FRMPD4: variants seen among roughly 807,000 people sequenced by gnomAD.
The protein encoded by FRMPD4 is FERM and PDZ domain containing 4.
Under a neutral mutation model 94.1 loss-of-function variants are expected in FRMPD4, and 22 were observed. The observed-to-expected ratio is 0.23, with a 90% confidence interval of 0.17 to 0.33. The LOEUF is 0.33. Among genes scored for constraint, FRMPD4 ranks in the 10% least tolerant of loss-of-function variants. FRMPD4 has a pLI of 1.00. For synonymous variants in FRMPD4, 631 were observed against 548.6 expected, an observed-to-expected ratio of 1.15 and a Z score of -2.10; for missense variants, 1,111 against 1,339.9, an observed-to-expected ratio of 0.83 and a Z score of 2.67.
At chrX:12,106,025 T>G (rs2055294329) in intron 3 of FRMPD4, among the ~76,000 whole-genome samples, 1 of 112,054 alleles carries the variant, frequency 8.9e-6, no homozygotes, top group Non-Finnish European at 1.9e-5. Flanking sequence ...CTACCTTCAA[T>G]GAAACCTTCA....
intron 1 of FRMPD4, among the ~76,000 whole-genome samples, chrX:11,852,514 A>G (rs1356274546): frequency 1.8e-5 from 2 of 110,175 alleles, no homozygotes; most frequent in African/African-American, 3.3e-5. Flanking sequence ...TTGCAAATTT[A>G]TTGAGACTTG....
intron 1 of FRMPD4, among the ~76,000 whole-genome samples, chrX:12,369,511 A>T (rs1338415183): frequency 8.9e-6 from 1 of 112,567 alleles, no homozygotes; most frequent in Admixed American, 9.4e-5. Context: ...TTAGAATGGG[A>T]AATAGATTCA....
intron 1 of FRMPD4, among the ~76,000 whole-genome samples, chrX:12,234,545 G>T (rs1310361151): frequency 9.0e-6 from 1 of 111,404 alleles, no homozygotes; most frequent in Non-Finnish European, 1.9e-5. Context: ...ACATAAAGAT[G>T]ATTATACTGA....
At chrX:12,204,434 C>T (rs2056667047) in intron 1 of FRMPD4, among the ~76,000 whole-genome samples, 1 of 111,990 alleles carries the variant, frequency 8.9e-6, no homozygotes, top group African/African-American at 3.2e-5. Flanking sequence ...GCTGCCTTAA[C>T]TTCTTCGCTG....
intron 2 of FRMPD4, among the ~76,000 whole-genome samples, chrX:12,515,559 T>C (rs753148463): frequency 8.9e-6 from 1 of 112,165 alleles, no homozygotes; most frequent in African/African-American, 3.2e-5. Flanking sequence ...TGAAAGGCTG[T>C]TATGATTTCA....
intron 3 of FRMPD4, among the ~76,000 whole-genome samples, chrX:12,073,377 A>G (rs1311343776): frequency 8.9e-6 from 1 of 112,136 alleles, no homozygotes; most frequent in African/African-American, 3.2e-5. Context: ...TACATAAACT[A>G]GTGGCCATGG....
At chrX:12,127,098 C>T (rs1470581507) in intron 3 of FRMPD4, among the ~76,000 whole-genome samples, 1 of 112,081 alleles carries the variant, frequency 8.9e-6, no homozygotes, top group Non-Finnish European at 1.9e-5. Flanking sequence ...AGGGAATGCA[C>T]TCCAATTGAA....
At chrX:12,557,230 C>A (rs1025711) in intron 2 of FRMPD4, among the ~76,000 whole-genome samples, 1 of 110,220 alleles carries the variant, frequency 9.1e-6, no homozygotes, top group Non-Finnish European at 1.9e-5. Context: ...TGGATCTTGG[C>A]GAAACAGGTT....
At chrX:12,619,400 C>T (rs1390992305) in intron 4 of FRMPD4, among the ~76,000 whole-genome samples, 1 of 111,659 alleles carries the variant, frequency 9.0e-6, no homozygotes, top group East Asian at 2.8e-4. Flanking sequence ...CCACTGGTAT[C>T]CCCCATAGCA....
intron 3 of FRMPD4, among the ~76,000 whole-genome samples, chrX:11,894,865 T>C (rs138053435): frequency 8.9e-6 from 1 of 111,916 alleles, no homozygotes; most frequent in African/African-American, 3.2e-5. Context: ...AAGTGAAAGA[T>C]AATTTAGAAG....
At chrX:11,969,905 G>A (rs1222716187) in intron 3 of FRMPD4, among the ~76,000 whole-genome samples, 2 of 111,034 alleles carry the variant, frequency 1.8e-5, no homozygotes, top group Non-Finnish European at 3.8e-5. Context: ...CAGCTCTCAT[G>A]GGACTATGCA....
intron 3 of FRMPD4, among the ~76,000 whole-genome samples, chrX:11,973,229 T>G (rs996066795): frequency 1.4e-4 from 16 of 112,791 alleles, no homozygotes; most frequent in Non-Finnish European, 2.8e-4. Context: ...CATCTATAGC[T>G]ATGAATAAAG....
intron 3 of FRMPD4, among the ~76,000 whole-genome samples, chrX:12,004,360 A>G (rs2054539582): frequency 8.9e-6 from 1 of 112,000 alleles, no homozygotes; most frequent in East Asian, 2.8e-4. Context: ...TGGTTTGGAC[A>G]GACCAACAGC....
At position 12,545,179 on chromosome X, in the gene FRMPD4, G is replaced by A. The variant is rs761698880; in HGVS notation, c.158+46383G>A. Among the ~76,000 whole-genome samples, 8 of 111,859 alleles carry A rather than the reference G, an allele frequency of 7.2e-5. 1 individual carries two copies. The highest frequency in any genetic ancestry group is 4.7e-4 in the Admixed American group (5 of 10,566). ...AGGAAACTTGTCCAACCCGCCACCC[G>A]TGGGCCACATGCAGCCCAGGACAGC... On this transcript the variant is annotated intron_variant, in intron 2 of 16. Coordinates refer to ENST00000675598, the MANE Select transcript of FRMPD4 (RefSeq NM_001368397.1).
chrX:12,717,932 G>A lies in FRMPD4; in HGVS notation c.3106G>A (p.Gly1036Arg). The part of the protein sequence containing the change: ...KRKSKLADGE[G>R]KAPPNGNTTG... ...GAAAAGCAAGCTGGCCGATGGTGAG[G>A]GGAAGGCACCCCCTAATGGGAACAC... The change falls in exon 16 of 17, where the codon GGG becomes AGG. Residue 1036 changes from glycine to arginine, a missense_variant. By Grantham distance (125) the Gly-to-Arg change is moderately radical (BLOSUM62 -2). Coordinates refer to ENST00000675598, the MANE Select transcript of FRMPD4 (RefSeq NM_001368397.1). 8.3e-7 allele frequency: 1 copy of A among 1,211,735 alleles called. No individual in the cohort carries two copies. Among genetic ancestry groups the A allele is most frequent in the Non-Finnish European group, 1.1e-6 (1 of 895,204 alleles).
At chrX:12,074,304 CA>C (rs1178426532) in intron 3 of FRMPD4, among the ~76,000 whole-genome samples, 1 of 111,437 alleles carries the variant, frequency 9.0e-6, no homozygotes, top group Non-Finnish European at 1.9e-5. Context: ...TCATCTCAGG[CA>C]AGCCCGTCTT....
intron 2 of FRMPD4, among the ~76,000 whole-genome samples, chrX:12,509,904 G>A (rs997575700): frequency 8.9e-6 from 1 of 111,999 alleles, no homozygotes; most frequent in African/African-American, 3.2e-5. Flanking sequence ...TCGTTGCAGT[G>A]TATTTTAGCA....
At chrX:12,178,313 G>T (rs1419520551) in intron 1 of FRMPD4, among the ~76,000 whole-genome samples, 1 of 111,492 alleles carries the variant, frequency 9.0e-6, no homozygotes, top group South Asian at 3.8e-4. Context: ...AAAGTATTTT[G>T]TTATAGCAGC....
At chrX:11,856,328 C>G (rs1232137049) in intron 1 of FRMPD4, among the ~76,000 whole-genome samples, 2 of 111,840 alleles carry the variant, frequency 1.8e-5, no homozygotes, top group Non-Finnish European at 3.8e-5. Flanking sequence ...AAAACTGAAA[C>G]CAGCAGCACA....
Sources: allele counts gnomAD v4.1 joint callset (sites outside exome capture counted in the v4.1 genomes callset), GRCh38; gene constraint gnomAD v4.1.1; transcripts MANE v1.5; gene names NCBI Gene and HGNC (gene_info 2026-07-23, HGNC 2026-07-21).